The following WDR33 variants were observed in gnomAD, a reference collection of about 807,000 sequenced individuals.
The protein encoded by WDR33 is WD repeat domain 33.
A neutral mutation model predicts 164.9 loss-of-function variants in WDR33; 47 were observed. The observed-to-expected ratio is 0.29, with a 90% confidence interval of 0.23 to 0.36. The LOEUF is 0.36. WDR33 is among the 10% of genes least tolerant of loss of function. The pLI is 1.00. For synonymous variants in WDR33, 505 were observed against 589.0 expected (o/e 0.86, Z 2.06); for missense variants, 1,137 against 1,754.1 (o/e 0.65, Z 6.28).
At chr2:127,772,006 T>TC (rs1212801782) in intron 1 of WDR33, among the ~76,000 whole-genome samples, 20 of 152,282 alleles carry the variant, frequency 1.3e-4, no homozygotes, top group African/African-American at 4.1e-4. Context: ...TTCTTTTTTT[T>TC]CTCCTAGAGA....
chr2:127,775,283 G>A (rs1688151333), intron 1 of WDR33, among the ~76,000 whole-genome samples: 2 of 152,190 alleles, frequency 1.3e-5, no homozygotes, highest in Admixed American at 1.3e-4. Flanking sequence ...CCGCCTCCCA[G>A]GTTCAAGCAA....
chr2:127,771,604 C>T lies in WDR33; in HGVS notation c.-23-600G>A, dbSNP rs554474442. On this transcript the variant is annotated intron_variant, in intron 1 of 21. Coordinates refer to ENST00000322313, the MANE Select transcript of WDR33 (RefSeq NM_018383.5). ...TCAGGCTGGGGAACATAGTGAGATT[C>T]CCATCTCTACAAAAAATAAAAACAC... Among the ~76,000 whole-genome samples the T allele has an allele frequency of 3.4e-4, 52 of 152,162 alleles. No individual in the cohort carries two copies. In the South Asian group the frequency reaches 7.5e-3, roughly 22 times the overall value.
At chr2:127,790,959 C>T (rs1387587091) in intron 1 of WDR33, among the ~76,000 whole-genome samples, 7 of 151,872 alleles carry the variant, frequency 4.6e-5, no homozygotes, top group Non-Finnish European at 7.4e-5. Flanking sequence ...TAGTAATATT[C>T]CCCCTCTTTC....
chr2:127,805,011 T>C (rs375336577), intron 1 of WDR33, among the ~76,000 whole-genome samples: 5 of 150,734 alleles, frequency 3.3e-5, no homozygotes, highest in South Asian at 4.2e-4. Flanking sequence ...TGAAGGCTCA[T>C]AGCTAGAAGT....
In WDR33 at chr2:127,741,544, C is replaced by A. The variant is rs1032847754; in HGVS notation, c.725-14767G>T. On this transcript the variant is annotated intron_variant, in intron 7 of 21. Coordinates refer to ENST00000322313, the MANE Select transcript of WDR33 (RefSeq NM_018383.5). This position sits in a 1 kb window ranked among gnomAD's most constrained non-coding sequence, Gnocchi z 4.1. ...CAGACACACGAATCCACAGTGAGAT[C>A]TTCCATCCAGGAGAGGACCCTTGTA... Among the ~76,000 whole-genome samples, 2 of 152,180 alleles carry A rather than the reference C, an allele frequency of 1.3e-5. No individual in the cohort carries two copies. The highest frequency in any genetic ancestry group is 2.9e-5 in the Non-Finnish European group (2 of 68,018).
At position 127,780,224 on chromosome 2, in the gene WDR33, C is replaced by A. The variant is rs377129903; in HGVS notation, c.-23-9220G>T. On this transcript the variant is annotated intron_variant, in intron 1 of 21. Coordinates refer to ENST00000322313, the MANE Select transcript of WDR33 (RefSeq NM_018383.5). ...TCCTGACCTCGTGATCCGCCCACCT[C>A]GGCCTCCCAAAGTGTAAAAATAATA... is the stretch of plus-strand genomic sequence containing the variant. Among the ~76,000 whole-genome samples, 18 of 152,206 alleles carry A rather than the reference C, an allele frequency of 1.2e-4. No homozygotes were observed. In the South Asian group the frequency reaches 3.7e-3, roughly 32 times the overall value.
At chr2:127,737,865 G>A (rs1686895218) in intron 7 of WDR33, 1 of 1,412,886 alleles carries the variant, frequency 7.1e-7, no homozygotes, top group Non-Finnish European at 9.2e-7. Flanking sequence ...AATAATCCGT[G>A]TCAAAGTAGA....
intron 1 of WDR33, among the ~76,000 whole-genome samples, chr2:127,783,902 G>T (rs775898671): frequency 1.6e-4 from 24 of 151,590 alleles, no homozygotes; most frequent in Non-Finnish European, 3.1e-4. Flanking sequence ...CACCGCACCT[G>T]GCCAGCACTT....
intron 1 of WDR33, among the ~76,000 whole-genome samples, chr2:127,775,457 G>A (rs1246057385): frequency 2.0e-5 from 3 of 152,208 alleles, no homozygotes; most frequent in Admixed American, 2.0e-4. Context: ...CCAAGGTGCT[G>A]GGATTACAGG....
At chr2:127,783,105 G>C (rs986213870) in intron 1 of WDR33, among the ~76,000 whole-genome samples, 3 of 152,162 alleles carry the variant, frequency 2.0e-5, no homozygotes, top group Non-Finnish European at 4.4e-5. Context: ...AGCATCTGTG[G>C]ATTTTGGTAT....
chr2:127,758,144 T>C (rs1687573257), intron 7 of WDR33, among the ~76,000 whole-genome samples: 1 of 152,210 alleles, frequency 6.6e-6, no homozygotes, highest in South Asian at 2.1e-4. Context: ...TTGCTAAATA[T>C]ATTATACATT....
Position 127,717,275 on chromosome 2 carries a change from T to A in WDR33, c.2761-12A>T. On this transcript the variant is annotated splice_polypyrimidine_tract_variant and intron_variant, in intron 16 of 21. Transcript: ENST00000322313. This position sits in a 1 kb window ranked among gnomAD's most constrained non-coding sequence, Gnocchi z 5.6. Reference sequence around the variant, plus strand: ...GTGCTCTGTCCTTCCTGAAAATATGTTTTTAAAGTAAGGGTATGAAATCAC... The same window carrying A: ...GTGCTCTGTCCTTCCTGAAAATATGATTTTAAAGTAAGGGTATGAAATCAC... 1 of 1,556,520 alleles carries A rather than the reference T, an allele frequency of 6.4e-7. No homozygotes were observed. The highest frequency in any genetic ancestry group is 1.2e-5 in the South Asian group (1 of 82,668).
At chr2:127,772,189 C>T (rs1232622291) in intron 1 of WDR33, among the ~76,000 whole-genome samples, 1 of 152,084 alleles carries the variant, frequency 6.6e-6, no homozygotes, top group Non-Finnish European at 1.5e-5. Flanking sequence ...GTAATCCCAG[C>T]ACTTTGGGAG....
intron 18 of WDR33, among the ~76,000 whole-genome samples, chr2:127,711,594 C>T (rs950007411): frequency 3.3e-5 from 5 of 149,894 alleles, no homozygotes; most frequent in Non-Finnish European, 5.9e-5. Flanking sequence ...ACACTGGGAG[C>T]CCTTACGTCT....
At chr2:127,796,915 AG>A (rs1299318217) in intron 1 of WDR33, among the ~76,000 whole-genome samples, 1 of 152,056 alleles carries the variant, frequency 6.6e-6, no homozygotes, top group Non-Finnish European at 1.5e-5. Context: ...TGTTTCCCCA[AG>A]GTCAAACCAT....
rs1425999044 is a variant in WDR33, at chr2:127,704,896, T to C, written c.*1427A>G. 6.2e-6 allele frequency: 1 copy of C among 162,458 alleles called. No homozygotes were observed. Among genetic ancestry groups the C allele is most frequent in the Non-Finnish European group, 1.5e-5 (1 of 68,112 alleles). 10.1% of individuals were successfully genotyped at this position (162,458 alleles called of 1,614,324 possible). ...TGAGCCCAGGAGTTTGAAACCAGCA[T>C]AGACAAAGTGGTGAAACTCCATCTC... On this transcript the variant is annotated 3_prime_UTR_variant, in exon 22 of 22. Coordinates refer to ENST00000322313, the MANE Select transcript of WDR33 (RefSeq NM_018383.5).
intron 7 of WDR33, among the ~76,000 whole-genome samples, chr2:127,750,581 G>A (rs1291523591): frequency 7.0e-6 from 1 of 141,922 alleles, no homozygotes; most frequent in East Asian, 2.1e-4. Flanking sequence ...CCCGAGAGGC[G>A]GAAGTTGCAG....
chr2:127,785,050 T>C (rs1163893548), intron 1 of WDR33, among the ~76,000 whole-genome samples: 2 of 152,218 alleles, frequency 1.3e-5, no homozygotes, highest in Admixed American at 1.3e-4. Context: ...CAACAAATAC[T>C]GTTTTCCTTG....
In WDR33 at chr2:127,719,799, T is replaced by G; in HGVS notation, c.2226A>C (p.Gly742=). 6.2e-7 allele frequency: 1 copy of G among 1,613,720 alleles called. No homozygotes were observed. The highest frequency in any genetic ancestry group is 2.2e-5 in the East Asian group (1 of 44,878). The change falls in exon 16 of 22, where the codon GGA becomes GGC. Residue 742 remains glycine (G), a synonymous_variant. Coordinates refer to ENST00000322313, the MANE Select transcript of WDR33 (RefSeq NM_018383.5). The surrounding 1 kb of genome is among the most constrained non-coding windows in gnomAD (Gnocchi z 6.5). ...CTTGCATTCCTCTGGGACCAGGTGG[T>G]CCCTGCATACCTTGAGTACCCGGAG... is the stretch of plus-strand genomic sequence containing the variant. ...QGPPGTQGMQ[G]PPGPRGMQGP... is the part of the protein sequence containing the mutation.
Sources: allele counts gnomAD v4.1 joint callset (sites outside exome capture counted in the v4.1 genomes callset), GRCh38; gene constraint gnomAD v4.1.1; non-coding constraint Gnocchi (gnomAD v3.1); transcripts MANE v1.5; gene names NCBI Gene and HGNC (gene_info 2026-07-23, HGNC 2026-07-21).